The following SLC22A25 variants were observed in gnomAD, a reference collection of about 807,000 sequenced individuals.
SLC22A25 encodes MGI:2442751, MGI:2385316, MGI:3042283, MGI:3645714, MGI:3605624, MGI:2442750.
Under a neutral mutation model 45.9 loss-of-function variants are expected in SLC22A25, and 44 were observed. That is an observed-to-expected ratio of 0.96 (90% CI 0.75 to 1.23). SLC22A25 has a LOEUF of 1.23. Among genes scored for constraint, SLC22A25 ranks in the 50% most tolerant of loss-of-function variants. SLC22A25 has a pLI of 0.00. For missense variants in SLC22A25, 800 were observed against 666.4 expected (o/e 1.20, Z -2.21); for synonymous variants, 283 against 238.6 (o/e 1.19, Z -1.72).
chr11:63,166,313 C>T (rs962711333), intron 9 of SLC22A25, 55 bp from the exon 10 acceptor site: 4 of 1,587,766 alleles, frequency 2.5e-6, no homozygotes, highest in Admixed American at 1.8e-5. Flanking sequence ...CTAAATCCTA[C>T]AAATGAGAAT....
chr11:63,210,688 G>A (rs532803176), intron 7 of SLC22A25, among the ~76,000 whole-genome samples: 112 of 152,188 alleles, frequency 7.4e-4, no homozygotes, highest in Non-Finnish European at 1.4e-3. Flanking sequence ...GTAGGGGGCC[G>A]ATTAATGGAT....
rs973922760 is a variant in SLC22A25 at position 63,161,704 on chromosome 11, C to T, written c.*2120G>A. On this transcript the variant is annotated 3_prime_UTR_variant, in exon 12 of 12. Transcript: ENST00000306494. Reference sequence around the variant, plus strand: ...TCACCAGCTATGTGGAACTGTGAGTCCATTAAACCTCTTTCCTTTGTAAAT... The same window carrying T: ...TCACCAGCTATGTGGAACTGTGAGTTCATTAAACCTCTTTCCTTTGTAAAT... Among the ~76,000 whole-genome samples, 1 of 152,186 alleles carries T rather than the reference C, an allele frequency of 6.6e-6. No individual in the cohort carries two copies. Among genetic ancestry groups the T allele is most frequent in the African/African-American group, 2.4e-5 (1 of 41,442 alleles).
chr11:63,242,134 T>G (rs1590930422), intron 1 of SLC22A25, among the ~76,000 whole-genome samples: 3 of 152,178 alleles, frequency 2.0e-5, no homozygotes, highest in Admixed American at 2.0e-4. Context: ...ACACTGCTAG[T>G]TGGGACAGAA....
chr11:63,185,321 T>C (rs1254032901), intron 7 of SLC22A25, among the ~76,000 whole-genome samples: 1 of 151,846 alleles, frequency 6.6e-6, no homozygotes, highest in Admixed American at 6.6e-5. Context: ...TGGTGAGTGA[T>C]GTTCCCCTTC....
intron 7 of SLC22A25, among the ~76,000 whole-genome samples, chr11:63,209,799 G>T (rs963344284): frequency 3.3e-5 from 5 of 152,170 alleles, no homozygotes; most frequent in African/African-American, 1.2e-4. Context: ...AACCTGACCA[G>T]ATTGTCAACA....
chr11:63,165,955 C>T lies in SLC22A25; in HGVS notation c.1285+89G>A, dbSNP rs1037576060. On this transcript the variant is annotated intron_variant, in intron 10 of 11. Coordinates refer to ENST00000306494, the MANE Select transcript of SLC22A25 (RefSeq NM_199352.6). ...ATCCTGAGAACTCAATTCTCCCTTT[C>T]CTTCTGGCTTCAGATAGGTGTGACC... 7.6e-6 allele frequency: 11 copies of T among 1,454,256 alleles called. No homozygotes were observed. The Admixed American group carries it at 1.9e-4, about 25-fold the overall frequency. The allele number at this position is 1,454,256 out of a possible 1,614,324, so 90.1% of individuals were successfully genotyped here. A position where few individuals can be genotyped will look rare whatever the true frequency, so the allele number is the denominator to read the frequency against.
chr11:63,215,808 T>C (rs982808811), intron 7 of SLC22A25, among the ~76,000 whole-genome samples: 22 of 152,140 alleles, frequency 1.4e-4, no homozygotes, highest in African/African-American at 5.3e-4. Flanking sequence ...TGTTTATTGT[T>C]TTCTTCTTTG....
intron 9 of SLC22A25, among the ~76,000 whole-genome samples, chr11:63,174,921 G>A (rs1369961888): frequency 1.3e-5 from 2 of 152,010 alleles, no homozygotes; most frequent in Non-Finnish European, 2.9e-5. Context: ...ATTTAACTTA[G>A]CATAATGTCC....
In SLC22A25 at chr11:63,206,126, G is replaced by T. The variant is rs140461650; in HGVS notation, c.830+11188C>A. The stretch of plus-strand genomic sequence containing the variant: ...ACTCTCAATAAACTAGTTATTGATG[G>T]AACGTATCTCAAAATAATAGCAGCT... On this transcript the variant is annotated intron_variant, in intron 7 of 11. Transcript: ENST00000306494. Among the ~76,000 whole-genome samples the T allele has an allele frequency of 8.1e-3, 1,228 of 152,260 alleles. 7 individuals carry two copies. The highest frequency in any genetic ancestry group is 0.014 in the Admixed American group (216 of 15,300).
At position 63,159,269 on chromosome 11, in the gene SLC22A25, T is replaced by G. The variant is rs568840033; in HGVS notation, c.*4555A>C. ...ACTTATTTCCTTTCTTTTGGGTATA[T>G]GCCTTTGATATGATTTGGCTGCACC... On this transcript the variant is annotated 3_prime_UTR_variant, in exon 12 of 12. Transcript: ENST00000306494. Among the ~76,000 whole-genome samples, 1 of 152,316 alleles carries G rather than the reference T, an allele frequency of 6.6e-6. No homozygotes were observed. The highest frequency in any genetic ancestry group is 2.1e-4 in the South Asian group (1 of 4,828).
chr11:63,221,368 C>A (rs1406121002), intron 5 of SLC22A25, among the ~76,000 whole-genome samples: 1 of 152,100 alleles, frequency 6.6e-6, no homozygotes, highest in Non-Finnish European at 1.5e-5. Flanking sequence ...TGCATTTTTT[C>A]TGATGACCAA....
intron 7 of SLC22A25, among the ~76,000 whole-genome samples, chr11:63,187,602 AG>A (rs1385962645): frequency 6.6e-6 from 1 of 152,174 alleles, no homozygotes; most frequent in African/African-American, 2.4e-5. Flanking sequence ...GTGGTGAGAG[AG>A]GGCATCCCTG....
At chr11:63,169,638 C>T (rs555842600) in intron 9 of SLC22A25, among the ~76,000 whole-genome samples, 4 of 152,248 alleles carry the variant, frequency 2.6e-5, no homozygotes, top group African/African-American at 9.6e-5. Context: ...TATACACACA[C>T]AACACAGGAG....
Position 63,163,631 on chromosome 11 carries a change from A to T in SLC22A25, c.*193T>A. 1 of 794,912 alleles carries T rather than the reference A, an allele frequency of 1.3e-6. No individual in the cohort carries two copies. Among genetic ancestry groups the T allele is most frequent in the Non-Finnish European group, 1.8e-6 (1 of 543,692 alleles). The allele number at this position is 794,912 out of a possible 1,614,324, so 49.2% of individuals were successfully genotyped here. A position where few individuals can be genotyped will look rare whatever the true frequency, so the allele number is the denominator to read the frequency against. On this transcript the variant is annotated 3_prime_UTR_variant, in exon 12 of 12. Coordinates refer to ENST00000306494, the MANE Select transcript of SLC22A25 (RefSeq NM_199352.6). The stretch of plus-strand genomic sequence containing the variant: ...ACCTAATTTTGGTCTTTTCACCACA[A>T]ATTAACCTCCTGGACAGGCTGGGCA...
At position 63,217,636 on chromosome 11, in the gene SLC22A25, C is replaced by A. The variant is rs747653409; in HGVS notation, c.606G>T (p.Leu202=). Residue 202 remains leucine (L), a synonymous_variant, in exon 6 of 12, where the codon CTG becomes CTT. Coordinates refer to ENST00000306494, the MANE Select transcript of SLC22A25 (RefSeq NM_199352.6). ...FAPTILVYCS[L]RFLAGAATFS... is the part of the protein sequence containing the mutation. Reference sequence around the variant, plus strand: ...ATGTAGCAGCCCCAGCCAAGAAGCGCAGGGAGCAGTATACGAGGATGGTGG... The same window carrying A: ...ATGTAGCAGCCCCAGCCAAGAAGCGAAGGGAGCAGTATACGAGGATGGTGG... 8 of 1,613,944 alleles carry A rather than the reference C, an allele frequency of 5.0e-6. No individual in the cohort carries two copies. Among genetic ancestry groups the A allele is most frequent in the Non-Finnish European group, 5.1e-6 (6 of 1,179,992 alleles).
chr11:63,195,514 T>C (rs1282843187), intron 7 of SLC22A25, among the ~76,000 whole-genome samples: 1 of 151,908 alleles, frequency 6.6e-6, no homozygotes, highest in Non-Finnish European at 1.5e-5. Flanking sequence ...ACCGAGTACA[T>C]AACAAAATGA....
chr11:63,211,921 G>A (rs1049133866), intron 7 of SLC22A25, among the ~76,000 whole-genome samples: 1 of 152,078 alleles, frequency 6.6e-6, no homozygotes, highest in Non-Finnish European at 1.5e-5. Context: ...CTACTCATCT[G>A]ACAAAGGGCT....
rs1012050198 is a variant in SLC22A25 at position 63,229,793 on chromosome 11, T to G, written c.-141A>C. ...CACTCTCTTCTTAATGGGCCCTCTC[T>G]CCCATCTGCAGCAGGGTCACGGAAG... On this transcript the variant is annotated 5_prime_UTR_variant, in exon 4 of 12. Coordinates refer to ENST00000306494, the MANE Select transcript of SLC22A25 (RefSeq NM_199352.6). 6 of 837,536 alleles carry G rather than the reference T, an allele frequency of 7.2e-6. No individual in the cohort carries two copies. Among genetic ancestry groups the G allele is most frequent in the African/African-American group, 6.8e-5 (4 of 58,948 alleles). The allele number at this position is 837,536 out of a possible 1,614,324, so 51.9% of individuals were successfully genotyped here.
At chr11:63,239,667 T>C (rs1025695750) in intron 1 of SLC22A25, among the ~76,000 whole-genome samples, 2 of 152,176 alleles carry the variant, frequency 1.3e-5, no homozygotes, top group Admixed American at 1.3e-4. Flanking sequence ...CTTTAACAGC[T>C]CTCTGCTTCA....
Sources: gnomAD v4.1 joint callset for allele counts (sites outside exome capture counted in the v4.1 genomes callset) on GRCh38, gnomAD v4.1.1 for gene constraint, MANE v1.5 for transcripts, NCBI Gene and HGNC (gene_info 2026-07-23, HGNC 2026-07-21) for gene names.